ASAP2: variants seen among roughly 807,000 people sequenced by gnomAD.
ASAP2 encodes the protein ArfGAP with SH3 domain, ankyrin repeat and PH domain 2, also known as arf-GAP with SH3 domain, ANK repeat and PH domain-containing protein 2.
A neutral mutation model predicts 131.4 loss-of-function variants in ASAP2; 45 were observed. The ratio of observed to expected loss-of-function variants is 0.34; its 90% CI spans 0.27 to 0.44. The LOEUF (loss-of-function observed/expected upper bound fraction) is 0.44. Ranked by LOEUF, ASAP2 falls within the 20% of genes least tolerant of loss-of-function variation. The pLI is 1.00. For missense variants in ASAP2, 1,011 were observed against 1,297.0 expected (o/e 0.78, Z 3.39); for synonymous variants, 510 against 503.0 (o/e 1.01, Z -0.19).
intron 1 of ASAP2, among the ~76,000 whole-genome samples, chr2:9,253,579 C>CCA (rs1458800015): frequency 3.3e-5 from 5 of 152,176 alleles, no homozygotes; most frequent in Admixed American, 2.0e-4. Flanking sequence ...GTTGGTTCCC[C>CCA]CATTCCTGCC....
intron 3 of ASAP2, among the ~76,000 whole-genome samples, chr2:9,309,224 A>C (rs530400257): frequency 6.6e-6 from 1 of 152,184 alleles, no homozygotes; most frequent in Non-Finnish European, 1.5e-5. Flanking sequence ...AAACAACTCA[A>C]ATGTCCATCA....
chr2:9,334,847 C>T, intron 8 of ASAP2, 34 bp downstream of exon 8: 1 of 1,568,680 alleles, frequency 6.4e-7, no homozygotes, highest in Non-Finnish European at 8.8e-7. Flanking sequence ...GGTTTAAAAC[C>T]ATCTTAATGC....
intron 1 of ASAP2, among the ~76,000 whole-genome samples, chr2:9,270,099 C>G (rs1666234406): frequency 6.6e-6 from 1 of 152,216 alleles, no homozygotes; most frequent in African/African-American, 2.4e-5. Context: ...GATAAGTTCA[C>G]TCTGTAAAAC....
At chr2:9,253,439 C>T (rs1439919433) in intron 1 of ASAP2, among the ~76,000 whole-genome samples, 3 of 152,168 alleles carry the variant, frequency 2.0e-5, no homozygotes, top group Non-Finnish European at 4.4e-5. Flanking sequence ...GCTAGGATTA[C>T]AGGCATGAAC....
At chr2:9,261,770 C>T (rs1200252921) in intron 1 of ASAP2, among the ~76,000 whole-genome samples, 5 of 152,154 alleles carry the variant, frequency 3.3e-5, no homozygotes, top group Non-Finnish European at 7.3e-5. Flanking sequence ...CTGGTGGTGT[C>T]CCAGGTGGGA....
At chr2:9,251,840 G>A (rs1276658419) in intron 1 of ASAP2, among the ~76,000 whole-genome samples, 3 of 152,156 alleles carry the variant, frequency 2.0e-5, no homozygotes, top group Non-Finnish European at 4.4e-5. Flanking sequence ...GAGTTTTCTG[G>A]CAGTGATGGA....
chr2:9,388,518 C>G lies in ASAP2; in HGVS notation c.2355C>G (p.Pro785=), dbSNP rs773377658. 8.1e-6 allele frequency: 13 copies of G among 1,613,346 alleles called. No homozygotes were observed. The highest frequency in any genetic ancestry group is 5.3e-5 in the African/African-American group (4 of 74,906). Residue 785 remains proline (P), a synonymous_variant, in exon 22 of 28, where the codon CCC becomes CCG. Transcript: ENST00000281419. ...QPAAPSTTSA[P]PLPPRNVGKV... ...CAGCCCCCAGCACCACCAGCGCCCCCCCGCTTCCTCCACGGAATGTTGGCA... is the reference window on the plus strand; with the variant it reads ...CAGCCCCCAGCACCACCAGCGCCCCGCCGCTTCCTCCACGGAATGTTGGCA...
chr2:9,284,789 C>T (rs1460569797), intron 2 of ASAP2, among the ~76,000 whole-genome samples: 1 of 152,112 alleles, frequency 6.6e-6, no homozygotes, highest in Non-Finnish European at 1.5e-5. Context: ...ACTTACACTG[C>T]TTTCTTAGTG....
chr2:9,377,650 G>A (rs1239767574), intron 18 of ASAP2, among the ~76,000 whole-genome samples: 2 of 152,174 alleles, frequency 1.3e-5, no homozygotes, highest in Non-Finnish European at 2.9e-5. Flanking sequence ...AGCCATGTGT[G>A]TACTGGAGGA....
intron 9 of ASAP2, among the ~76,000 whole-genome samples, chr2:9,340,086 A>G (rs1011768650): frequency 2.0e-5 from 3 of 152,242 alleles, no homozygotes; most frequent in African/African-American, 4.8e-5. Flanking sequence ...GCAGTGGTGC[A>G]ATCTTGGCTC....
At chr2:9,395,585 GTTTTTTTTCTTTTTTTTTT>G (rs1676061439) in intron 24 of ASAP2, among the ~76,000 whole-genome samples, 1 of 76,218 alleles carries the variant, frequency 1.3e-5, no homozygotes, top group Non-Finnish European at 3.2e-5. Context: ...TTTTTCTTGT[GTTTTTTTTCTTTTTTTTTT>G]TTTTTTTTTT....
intron 18 of ASAP2, among the ~76,000 whole-genome samples, chr2:9,378,645 G>C (rs1023558004): frequency 6.6e-6 from 1 of 152,222 alleles, no homozygotes; most frequent in East Asian, 1.9e-4. Context: ...GTTCACCCCG[G>C]TAGTGCACTG....
In ASAP2 at chr2:9,326,118, C is replaced by A. The variant is rs545410785; in HGVS notation, c.601-1708C>A. On this transcript the variant is annotated intron_variant, in intron 6 of 27. Transcript: ENST00000281419. Reference sequence around the variant, plus strand: ...TTAAAAGGCCGGGCAGGGTGGCTCACACCTGCAATCCCAGCACTTTGGGAG... The same window carrying A: ...TTAAAAGGCCGGGCAGGGTGGCTCAAACCTGCAATCCCAGCACTTTGGGAG... Among the ~76,000 whole-genome samples the A allele has an allele frequency of 3.3e-5, 5 of 152,322 alleles. No individual in the cohort carries two copies. In the East Asian group the frequency reaches 9.6e-4, roughly 29 times the overall value.
intron 12 of ASAP2, among the ~76,000 whole-genome samples, chr2:9,355,145 G>A (rs1672613546): frequency 6.6e-6 from 1 of 152,074 alleles, no homozygotes; most frequent in African/African-American, 2.4e-5. Context: ...GGAAACATTG[G>A]TTTGATGCTA....
intron 1 of ASAP2, among the ~76,000 whole-genome samples, chr2:9,233,678 C>T (rs1663329273): frequency 6.6e-6 from 1 of 152,228 alleles, no homozygotes; most frequent in Admixed American, 6.5e-5. Context: ...CAAATATGCT[C>T]ATTTACTCAT....
chr2:9,325,492 C>A (rs1670423622), intron 6 of ASAP2, among the ~76,000 whole-genome samples: 1 of 152,184 alleles, frequency 6.6e-6, no homozygotes, highest in African/African-American at 2.4e-5. Context: ...GTGTTCAGGT[C>A]ATGCTCTTTT....
chr2:9,295,640 C>T (rs1045609358), intron 2 of ASAP2, among the ~76,000 whole-genome samples: 12 of 152,216 alleles, frequency 7.9e-5, no homozygotes, highest in Non-Finnish European at 1.8e-4. Context: ...TCCTGAGGAG[C>T]TGCGTTTGCG....
Position 9,242,558 on chromosome 2 carries a change from G to A in ASAP2, c.126+35328G>A, listed in dbSNP as rs140165937. Among the ~76,000 whole-genome samples the A allele has an allele frequency of 1.2e-4, 18 of 152,272 alleles. No homozygotes were observed. The East Asian group carries it at 1.7e-3, about 15-fold the overall frequency. Reference sequence around the variant, plus strand: ...TTGAAGTTGACATCTTGTATTGGGCGGTGTGTGGGCTCTGTTCCCTGAGTC... The same window carrying A: ...TTGAAGTTGACATCTTGTATTGGGCAGTGTGTGGGCTCTGTTCCCTGAGTC... On this transcript the variant is annotated intron_variant, in intron 1 of 27. Transcript: ENST00000281419.
chr2:9,376,771 G>A, intron 17 of ASAP2, 137 bp from the exon 18 acceptor site: 1 of 741,582 alleles, frequency 1.3e-6, no homozygotes, highest in Non-Finnish European at 2.2e-6. Context: ...AGATTAAAGA[G>A]ACTCTATGTA....
Sources: allele counts gnomAD v4.1 joint callset (sites outside exome capture counted in the v4.1 genomes callset), GRCh38; gene constraint gnomAD v4.1.1; transcripts MANE v1.5; gene names NCBI Gene and HGNC (gene_info 2026-07-23, HGNC 2026-07-21).